Variants in NOP58 observed in about 807,000 individuals in gnomAD.
The protein encoded by NOP58 is nucleolar protein 58.
Under a neutral mutation model 71.2 loss-of-function variants are expected in NOP58, and 44 were observed. The observed-to-expected ratio is 0.62, with a 90% CI of 0.49 to 0.79. NOP58 has a LOEUF of 0.79. NOP58 is among the 30% of genes least tolerant of loss of function. NOP58 has a pLI of 0.00. For synonymous variants in NOP58, 228 were observed against 200.3 expected (o/e 1.14, Z -1.17); for missense variants, 538 against 620.2 (o/e 0.87, Z 1.41).
At chr2:202,269,707 G>T (rs1688484440) in intron 1 of NOP58, among the ~76,000 whole-genome samples, 1 of 151,962 alleles carries the variant, frequency 6.6e-6, no homozygotes, top group African/African-American at 2.4e-5. Flanking sequence ...CGCCACTGCA[G>T]TGCAGCCTGG....
Position 202,290,336 on chromosome 2 carries a change from C to T in NOP58, c.513C>T (p.Asp171=), listed in dbSNP as rs141482884. The T allele has an allele frequency of 7.1e-4, 1,132 of 1,602,814 alleles. 6 individuals carry two copies. The African/African-American group carries it at 0.013, about 18-fold the overall frequency. Residue 171 remains aspartate, a synonymous_variant, in exon 7 of 15, where the codon GAC becomes GAT. Transcript: ENST00000264279. ...MIVQAISLLD[D]LDKELNNYIM... ...AATCTACTACAGCCTTGTTAGATGA[C>T]TTGGATAAAGAACTAAACAACTACA...
rs146443204 is a variant in NOP58, at chr2:202,270,894, C to T, written c.46-4219C>T. 1.1e-3 allele frequency among the ~76,000 whole-genome samples: 170 copies of T among 152,140 alleles called. 1 individual carries two copies. The highest frequency in any genetic ancestry group is 3.1e-3 in the African/African-American group (129 of 41,496). On this transcript the variant is annotated intron_variant, in intron 1 of 14. Coordinates refer to ENST00000264279, the MANE Select transcript of NOP58 (RefSeq NM_015934.5). The stretch of plus-strand genomic sequence containing the variant: ...CATGAGGTCAGGAGTTTGAAACCAG[C>T]CTGGCCAACATAGTGAAACCCCGTC...
chr2:202,282,296 T>C, intron 3 of NOP58, 55 bp from the exon 4 acceptor site: 1 of 1,525,934 alleles, frequency 6.6e-7, no homozygotes, highest in Non-Finnish European at 8.8e-7. Flanking sequence ...TAGGGCAAGG[T>C]CTCAAAGTTA....
intron 1 of NOP58, among the ~76,000 whole-genome samples, chr2:202,272,662 C>A (rs1459687178): frequency 3.3e-5 from 5 of 152,134 alleles, no homozygotes; most frequent in African/African-American, 1.2e-4. Context: ...ACTGAAAACA[C>A]TGATTAAAAT....
intron 12 of NOP58, among the ~76,000 whole-genome samples, chr2:202,299,472 CTT>C (rs1402921405): frequency 6.6e-6 from 1 of 152,036 alleles, no homozygotes; most frequent in Non-Finnish European, 1.5e-5. Flanking sequence ...TAGTCTATAA[CTT>C]ATTATCTCTA....
rs546963493 is a variant in NOP58 at position 202,297,986 on chromosome 2, C to T, written c.1268+80C>T. 5 of 823,902 alleles carry T rather than the reference C, an allele frequency of 6.1e-6. No homozygotes were observed. In the South Asian group the frequency reaches 8.6e-5, roughly 14 times the overall value. 51.0% of individuals were successfully genotyped at this position (823,902 alleles called of 1,614,324 possible). On this transcript the variant is annotated intron_variant, in intron 12 of 14. Transcript: ENST00000264279. The stretch of plus-strand genomic sequence containing the variant: ...GACAGTAATTTTTTATTGTAAACTT[C>T]ACCTTGATGTGCCCATAGTTTTTTC...
Position 202,295,697 on chromosome 2 carries a change from C to G in NOP58, c.931C>G (p.His311Asp). The change falls in exon 10 of 15, where the codon CAT becomes GAT. Residue 311 changes from histidine (H) to aspartate (D), a missense_variant. Physicochemically the swap from His to Asp is moderately conservative, Grantham distance 81. Coordinates refer to ENST00000264279, the MANE Select transcript of NOP58 (RefSeq NM_015934.5). ...AGGTTCTCTTTTAAATTTGGCCAAG[C>G]ATGCAGCTTCTACCGTTCAGATTCT... Reference protein sequence around the residue: ...HAGSLLNLAKHAASTVQILGA... With the variant: ...HAGSLLNLAKDAASTVQILGA... 1 of 1,585,472 alleles carries G rather than the reference C, an allele frequency of 6.3e-7. No individual in the cohort carries two copies. Among genetic ancestry groups the G allele is most frequent in the Non-Finnish European group, 8.5e-7 (1 of 1,169,886 alleles).
chr2:202,277,002 T>C (rs922308905), intron 2 of NOP58, among the ~76,000 whole-genome samples: 3 of 145,134 alleles, frequency 2.1e-5, no homozygotes, highest in Admixed American at 6.8e-5. Context: ...TAGCCAGCCA[T>C]GGGGGCTGGG....
rs775738579 is a variant in NOP58 at position 202,302,950 on chromosome 2, G to A, written c.1432G>A (p.Glu478Lys). The A allele has an allele frequency of 6.2e-7, 1 of 1,605,296 alleles. No homozygotes were observed. Among genetic ancestry groups the A allele is most frequent in the South Asian group, 1.1e-5 (1 of 90,898 alleles). Reference sequence around the variant, plus strand: ...AGAAGAGGAAGAAGAAAAAGTGGCAGAAGAAGAAGAAACATCTGTGAAGAA... The same window carrying A: ...AGAAGAGGAAGAAGAAAAAGTGGCAAAAGAAGAAGAAACATCTGTGAAGAA... ...VEEEEEEKVA[E>K]EEETSVKKKK... is the part of the protein sequence containing the mutation. The change falls in exon 14 of 15, where the codon GAA (glutamate) becomes AAA (lysine). Residue 478 changes from glutamate (E) to lysine (K), a missense_variant. Coordinates refer to ENST00000264279, the MANE Select transcript of NOP58 (RefSeq NM_015934.5).
At chr2:202,296,643 G>A (rs1401577432) in intron 10 of NOP58, among the ~76,000 whole-genome samples, 2 of 152,184 alleles carry the variant, frequency 1.3e-5, no homozygotes, top group African/African-American at 4.8e-5. Context: ...AAAATTTAGA[G>A]CAGAGTGGTG....
At chr2:202,300,403 T>C (rs749025260) in intron 13 of NOP58, 36 bp downstream of exon 13, 1 of 1,530,432 alleles carries the variant, frequency 6.5e-7, no homozygotes, top group South Asian at 1.2e-5. Context: ...CAACTTATAC[T>C]CACTTCTTTA....
intron 7 of NOP58, chr2:202,290,882 G>A: frequency 2.5e-6 from 1 of 403,298 alleles, no homozygotes; most frequent in South Asian, 5.4e-5. Context: ...AAGTGTTGTG[G>A]CATATTTTGT....
Position 202,302,982 on chromosome 2 carries a change from G to A in NOP58, c.1464G>A (p.Lys488=), listed in dbSNP as rs778023244. The change falls in exon 14 of 15, where the codon AAG becomes AAA. Residue 488 remains lysine, a synonymous_variant. Coordinates refer to ENST00000264279, the MANE Select transcript of NOP58 (RefSeq NM_015934.5). ...AAGAAACATCTGTGAAGAAGAAGAA[G>A]AAAAGGGGTAAAAAGAAACACATTA... ...EEEETSVKKK[K]KRGKKKHIKE... The A allele has an allele frequency of 1.3e-5, 21 of 1,611,826 alleles. No individual in the cohort carries two copies. Among genetic ancestry groups the A allele is most frequent in the Non-Finnish European group, 1.8e-5 (21 of 1,179,422 alleles).
chr2:202,268,568 C>T (rs1688458066), intron 1 of NOP58, among the ~76,000 whole-genome samples: 1 of 151,372 alleles, frequency 6.6e-6, no homozygotes, highest in Admixed American at 6.6e-5. Flanking sequence ...GCATATAATT[C>T]ATGCTTTGAT....
rs1379845383 is a variant in NOP58, at chr2:202,292,004, T to G, written c.780+734T>G. Among the ~76,000 whole-genome samples the G allele has an allele frequency of 6.8e-5, 8 of 117,348 alleles. 1 individual carries two copies. Among genetic ancestry groups the G allele is most frequent in the East Asian group, 4.6e-4 (2 of 4,388 alleles). The allele number at this position is 117,348 out of a possible 152,430, so 77.0% of individuals were successfully genotyped here. On this transcript the variant is annotated intron_variant, in intron 8 of 14. Coordinates refer to ENST00000264279, the MANE Select transcript of NOP58 (RefSeq NM_015934.5). Reference sequence around the variant, plus strand: ...TTTTTTTTTTTTTTTTTTTTTTTTTTGAGACAGAGTCTCACCCTGTAGCCC... The same window carrying G: ...TTTTTTTTTTTTTTTTTTTTTTTTTGGAGACAGAGTCTCACCCTGTAGCCC...
chr2:202,298,227 T>G (rs1298764379), intron 12 of NOP58, among the ~76,000 whole-genome samples: 3 of 152,248 alleles, frequency 2.0e-5, no homozygotes, highest in African/African-American at 7.2e-5. Flanking sequence ...CTAATTTTTT[T>G]CCATGCCATT....
At chr2:202,296,123 CA>C (rs370433822) in intron 10 of NOP58, among the ~76,000 whole-genome samples, 8 of 145,442 alleles carry the variant, frequency 5.5e-5, no homozygotes, top group African/African-American at 7.5e-5. Flanking sequence ...TCTCTGGCAG[CA>C]AAAAAAAAAT....
chr2:202,299,077 A>G (rs575219024), intron 12 of NOP58, among the ~76,000 whole-genome samples: 166 of 146,182 alleles, frequency 1.1e-3, no homozygotes, highest in African/African-American at 4.2e-3. Flanking sequence ...CTCCTGCCTC[A>G]GCCTCCCGAG....
intron 2 of NOP58, chr2:202,276,298 C>T: frequency 4.6e-6 from 1 of 217,218 alleles, no homozygotes; most frequent in Non-Finnish European, 9.9e-6. Flanking sequence ...CGAGATTGCG[C>T]CACTGCACTC....
Sources: gnomAD v4.1 joint callset for allele counts (sites outside exome capture counted in the v4.1 genomes callset) on GRCh38, gnomAD v4.1.1 for gene constraint, MANE v1.5 for transcripts, NCBI Gene and HGNC (gene_info 2026-07-23, HGNC 2026-07-21) for gene names.